The following CD24 variants were observed in gnomAD, a reference collection of about 807,000 sequenced individuals.
CD24 encodes the protein signal transducer CD24.
Under a neutral mutation model 3.6 loss-of-function variants are expected in CD24, and 2 were observed. That is an observed-to-expected ratio of 0.56 (90% CI 0.23 to 1.77). The LOEUF is 1.77. CD24 is among the 40% of genes most tolerant of loss of function. CD24 has a pLI of 0.18. For synonymous variants in CD24, 33 were observed against 44.9 expected (o/e 0.74, Z 1.06); for missense variants, 62 against 93.6 (o/e 0.66, Z 1.39).
At chr6:106,974,996 C>T (rs1354621904), upstream of CD24, 1 of 151,194 alleles carries the variant, frequency 6.6e-6, no homozygotes, top group African/African-American at 2.4e-5. Context: ...TATCCCCGCG[C>T]CGGCTGCGGG....
At chr6:106,975,512 G>C (rs1773092676), upstream of CD24, 3 of 152,230 alleles carry the variant, frequency 2.0e-5, no homozygotes. Flanking sequence ...TTTGTTCTGT[G>C]AGCGCCTCGT....
chr6:106,973,732 C>A, intron 1 of CD24: 1 of 398,620 alleles, frequency 2.5e-6, no homozygotes, highest in Middle Eastern at 6.3e-4. Flanking sequence ...CTCGCCGGCG[C>A]GGTGCATCCA....
rs1015518927 is a variant in CD24, at chr6:106,974,620, G to A, written c.27C>T (p.Leu9=). The A allele has an allele frequency of 4.3e-5, 64 of 1,477,032 alleles. No individual in the cohort carries two copies. The East Asian group carries it at 1.6e-3, about 37-fold the overall frequency. 91.5% of individuals were successfully genotyped at this position (1,477,032 alleles called of 1,614,324 possible). Residue 9 remains leucine, a synonymous_variant, in exon 1 of 2, where the codon CTC becomes CTT. Coordinates refer to ENST00000606017, the MANE Select transcript of CD24 (RefSeq NM_001359084.1). ...GTGCCAGCAGCAGCAGCCCCAGCCCGAGCCTGGCCACCATTGCTCTGCCCA... is the reference window on the plus strand; with the variant it reads ...GTGCCAGCAGCAGCAGCCCCAGCCCAAGCCTGGCCACCATTGCTCTGCCCA... MGRAMVAR[L]GLGLLLLALL... is the part of the protein sequence containing the mutation.
rs1287112428 is a variant in CD24, at chr6:106,969,881, C to G, written c.*1780G>C. Reference sequence around the variant, plus strand: ...TTTACAGTTTGTGTTCAATGCAAATCAATTCCATAAGAAGTTACTATGAAT... The same window carrying G: ...TTTACAGTTTGTGTTCAATGCAAATGAATTCCATAAGAAGTTACTATGAAT... On this transcript the variant is annotated 3_prime_UTR_variant, in exon 2 of 2. Transcript: ENST00000606017. 2 of 152,510 alleles carry G rather than the reference C, an allele frequency of 1.3e-5. No homozygotes were observed. The highest frequency in any genetic ancestry group is 4.8e-5 in the African/African-American group (2 of 41,416). 9.4% of individuals were successfully genotyped at this position (152,510 alleles called of 1,614,324 possible).
chr6:106,974,381 AG>A (rs1259362747), intron 1 of CD24, among the ~76,000 whole-genome samples, 196 bp downstream of exon 1: 2 of 151,910 alleles, frequency 1.3e-5, no homozygotes, highest in East Asian at 3.9e-4. Flanking sequence ...CCGTGGGAGG[AG>A]GGGGGGCAGC....
upstream of CD24, chr6:106,974,732 G>A (rs2114901979): frequency 2.2e-6 from 3 of 1,386,196 alleles, no homozygotes; most frequent in African/African-American, 3.0e-5. Context: ...GGCAAGGTGG[G>A]GAGCGCGGCG....
intron 1 of CD24, among the ~76,000 whole-genome samples, chr6:106,973,088 G>C (rs1327362314): frequency 6.6e-6 from 1 of 152,098 alleles, no homozygotes; most frequent in Non-Finnish European, 1.5e-5. Context: ...TTAAAACAGG[G>C]TGCCTGTTTT....
At chr6:106,974,007 G>A in intron 1 of CD24, 1 of 397,868 alleles carries the variant, frequency 2.5e-6, no homozygotes, top group Non-Finnish European at 4.4e-6. Context: ...CCCCGCCTCG[G>A]CTTCAGCCCG....
At position 106,974,642 on chromosome 6, in the gene CD24, C is replaced by A. The variant is rs1773060678; in HGVS notation, c.5G>T (p.Gly2Val). 1 of 1,495,000 alleles carries A rather than the reference C, an allele frequency of 6.7e-7. No individual in the cohort carries two copies. The allele number at this position is 1,495,000 out of a possible 1,614,324, so 92.6% of individuals were successfully genotyped here. The change falls in exon 1 of 2, where the codon GGC (glycine) becomes GTC (valine). Residue 2 changes from glycine to valine, a missense_variant. Physicochemically the swap from Gly to Val is moderately radical, Grantham distance 109. Transcript: ENST00000606017. ...CCCGAGCCTGGCCACCATTGCTCTG[C>A]CCATGTCCCCTCCGTCGGTGCGCGG... M[G>V]RAMVARLGLG...
intron 1 of CD24, among the ~76,000 whole-genome samples, chr6:106,974,371 C>T (rs1178541282): frequency 6.6e-6 from 1 of 152,156 alleles, no homozygotes; most frequent in Non-Finnish European, 1.5e-5. Flanking sequence ...GTTCCCAGGG[C>T]CGTGGGAGGA....
chr6:106,974,790 G>A (rs1216889176), upstream of CD24: 19 of 773,532 alleles, frequency 2.5e-5, no homozygotes, highest in African/African-American at 2.4e-4. Context: ...GCCGTGACGT[G>A]GCGCCGCCCG....
chr6:106,975,302 C>T (rs1159471812), upstream of CD24: 4 of 152,094 alleles, frequency 2.6e-5, no homozygotes, highest in African/African-American at 9.7e-5. Flanking sequence ...GCAGGGTTAT[C>T]TCTCGGCCCG....
At chr6:106,975,536 A>C (rs1032195251), upstream of CD24, 7 of 152,216 alleles carry the variant, frequency 4.6e-5, no homozygotes, top group African/African-American at 7.2e-5. Context: ...AGCCAGGCGC[A>C]GTGAGCTCAC....
At chr6:106,972,587 G>A (rs1772999952) in intron 1 of CD24, among the ~76,000 whole-genome samples, 1 of 152,138 alleles carries the variant, frequency 6.6e-6, no homozygotes, top group Non-Finnish European at 1.5e-5. Context: ...CATTGCTGTG[G>A]CCAAGAACCA....
upstream of CD24, among the ~76,000 whole-genome samples, chr6:106,976,376 CAATG>C (rs1246892276): frequency 8.5e-5 from 13 of 152,184 alleles, no homozygotes; most frequent in African/African-American, 3.1e-4. Flanking sequence ...AGCAAAGTGA[CAATG>C]AAATCTGCAG....
chr6:106,973,273 C>G (rs1773016837), intron 1 of CD24: 1 of 172,222 alleles, frequency 5.8e-6, no homozygotes, highest in Non-Finnish European at 1.2e-5. Context: ...AAAATTTTCT[C>G]TCCCAAGCTA....
At position 106,971,809 on chromosome 6, in the gene CD24, C is replaced by G; in HGVS notation, c.95G>C (p.Gly32Ala). The G allele has an allele frequency of 6.4e-7, 1 of 1,550,410 alleles. No individual in the cohort carries two copies. The highest frequency in any genetic ancestry group is 8.7e-7 in the Non-Finnish European group (1 of 1,146,204). The change falls in exon 2 of 2, where the codon GGA becomes GCA. Residue 32 changes from glycine (G) to alanine (A), a missense_variant. Coordinates refer to ENST00000606017, the MANE Select transcript of CD24 (RefSeq NM_001359084.1). ...TQIYSSETTTGTSSNSSQSTS... is the reference protein window; with the variant it reads ...TQIYSSETTTATSSNSSQSTS... ...ACTCTGGGAGGAGTTACTTGAAGTT[C>G]CAGTTGTTGTTTCACTGGAATAAAT...
Position 106,972,716 on chromosome 6 carries a change from G to T in CD24, c.70-882C>A, listed in dbSNP as rs959436945. On this transcript the variant is annotated intron_variant, in intron 1 of 1. Transcript: ENST00000606017. ...TCTCCTTTGTCATGGAACAAAGGCA[G>T]ATCGGAGTTTTCAGCCCTCACTGCA... Among the ~76,000 whole-genome samples, 3 of 152,252 alleles carry T rather than the reference G, an allele frequency of 2.0e-5. No individual in the cohort carries two copies. In the East Asian group the frequency reaches 5.8e-4, roughly 29 times the overall value.
At chr6:106,975,475 C>G (rs1246420150), upstream of CD24, 1 of 152,046 alleles carries the variant, frequency 6.6e-6, no homozygotes, top group Non-Finnish European at 1.5e-5. Context: ...CTCGGCCCCG[C>G]GGCCGCGCCC....
Sources: allele counts gnomAD v4.1 joint callset (sites outside exome capture counted in the v4.1 genomes callset), GRCh38; gene constraint gnomAD v4.1.1; transcripts MANE v1.5; gene names NCBI Gene and HGNC (gene_info 2026-07-23, HGNC 2026-07-21).